Variants in ZSCAN5A observed in about 807,000 individuals in gnomAD.
ZSCAN5A encodes the protein zinc finger and SCAN domain containing 5A, also known as zinc finger and SCAN domain-containing protein 5A.
ZSCAN5A carries 12 observed loss-of-function variants against 23.7 expected under a neutral mutation model. That is an observed-to-expected ratio of 0.51 (90% confidence interval 0.32 to 0.82). The LOEUF is 0.82. Among genes scored for constraint, ZSCAN5A ranks in the 40% least tolerant of loss-of-function variants. The pLI, the probability that ZSCAN5A is intolerant of heterozygous loss-of-function variation, is 0.03. For synonymous variants in ZSCAN5A, 257 were observed against 239.9 expected (o/e 1.07, Z -0.66); for missense variants, 597 against 617.9 (o/e 0.97, Z 0.36).
At position 56,221,614 on chromosome 19, in the gene ZSCAN5A, T is replaced by C. The variant is rs1568599422; in HGVS notation, c.1452A>G (p.Arg484=). The change falls in exon 6 of 6, where the codon AGA becomes AGG. Residue 484 remains arginine, a synonymous_variant. Transcript: ENST00000683990. ...CTTCTGGATGTGTTTTCTGGTGGCGTCTTAACAATTTCAGCCGACTGAAGG... is the reference window on the plus strand; with the variant it reads ...CTTCTGGATGTGTTTTCTGGTGGCGCCTTAACAATTTCAGCCGACTGAAGG... ...PRAFSRLKLL[R]RHQKTHPEAT... is the part of the protein sequence containing the mutation. 7 of 1,610,880 alleles carry C rather than the reference T, an allele frequency of 4.3e-6. No homozygotes were observed. Among genetic ancestry groups the C allele is most frequent in the South Asian group, 1.1e-5 (1 of 90,830 alleles).
At chr19:56,276,321 C>T (rs11672081) in intron 2 of ZSCAN5A, among the ~76,000 whole-genome samples, 63,444 of 151,408 alleles carry the variant, frequency 0.42, 14,371 homozygotes, top group Non-Finnish European at 0.51. Flanking sequence ...CTCCTTCACT[C>T]CTTTGTCTGG....
chr19:56,260,637 T>C (rs939120679), intron 2 of ZSCAN5A, among the ~76,000 whole-genome samples: 6 of 152,106 alleles, frequency 3.9e-5, no homozygotes, highest in African/African-American at 1.4e-4. Flanking sequence ...TTTTATTGTA[T>C]TTAGGTATTG....
At chr19:56,223,998 T>G (rs2033625854) in intron 3 of ZSCAN5A, among the ~76,000 whole-genome samples, 164 bp from the exon 4 acceptor site, 1 of 151,642 alleles carries the variant, frequency 6.6e-6, no homozygotes, top group African/African-American at 2.4e-5. Context: ...TGTCTGAATT[T>G]TTTCCTCTCT....
chr19:56,334,846 A>G (rs998406310), intron 2 of ZSCAN5A, among the ~76,000 whole-genome samples: 1 of 152,222 alleles, frequency 6.6e-6, no homozygotes, highest in African/African-American at 2.4e-5. Context: ...ATGAGAAAAA[A>G]ATCAGCACAA....
At chr19:56,238,850 T>C (rs3972668) in intron 2 of ZSCAN5A, among the ~76,000 whole-genome samples, 15,383 of 138,720 alleles carry the variant, frequency 0.11, 1,113 homozygotes, top group Middle Eastern at 0.16. Context: ...GGACATTCCT[T>C]ATGAGAACAT....
intron 2 of ZSCAN5A, among the ~76,000 whole-genome samples, chr19:56,230,029 G>A (rs1002842114): frequency 1.3e-5 from 2 of 152,168 alleles, no homozygotes; most frequent in African/African-American, 2.4e-5. Context: ...TTTGCAAAGA[G>A]AGACAATTCG....
intron 2 of ZSCAN5A, among the ~76,000 whole-genome samples, chr19:56,333,152 G>A (rs1233487361): frequency 2.6e-5 from 4 of 151,540 alleles, no homozygotes; most frequent in South Asian, 2.1e-4. Flanking sequence ...TGTCTGTTTC[G>A]TATAGTATCT....
chr19:56,288,451 C>G (rs1219960203), intron 2 of ZSCAN5A, among the ~76,000 whole-genome samples: 1 of 152,220 alleles, frequency 6.6e-6, no homozygotes, highest in African/African-American at 2.4e-5. Flanking sequence ...TAGCAACCAT[C>G]ACCCCCTTAT....
intron 2 of ZSCAN5A, among the ~76,000 whole-genome samples, chr19:56,359,600 C>T (rs75247805): frequency 1.3e-5 from 2 of 152,118 alleles, no homozygotes; most frequent in Non-Finnish European, 1.5e-5. Context: ...ATTCTGATAC[C>T]AAACCTGGCA....
chr19:56,252,305 G>A (rs2036401251), intron 2 of ZSCAN5A, among the ~76,000 whole-genome samples: 1 of 152,180 alleles, frequency 6.6e-6, no homozygotes, highest in South Asian at 2.1e-4. Context: ...GCAGGTGAGA[G>A]GCTGTAACAA....
At chr19:56,364,896 G>T (rs1007700513) in intron 1 of ZSCAN5A, 19 of 152,190 alleles carry the variant, frequency 1.2e-4, no homozygotes, top group African/African-American at 4.6e-4. Flanking sequence ...TTCTTCTAAG[G>T]GGGTGATGAA....
rs148798821 is a variant in ZSCAN5A, at chr19:56,221,516, T to C, written c.*59A>G. On this transcript the variant is annotated 3_prime_UTR_variant, in exon 6 of 6. Transcript: ENST00000683990. ...ATGTGTCAAATGTCATCTGATAACA[T>C]TGATGAAAAATATCATTCACTTCTT... 2.2e-5 allele frequency: 33 copies of C among 1,522,644 alleles called. No individual in the cohort carries two copies. The highest frequency in any genetic ancestry group is 1.8e-4 in the Middle Eastern group (1 of 5,612). 94.3% of individuals were successfully genotyped at this position (1,522,644 alleles called of 1,614,324 possible). A position where few individuals can be genotyped will look rare whatever the true frequency, so the allele number is the denominator to read the frequency against.
Position 56,352,914 on chromosome 19 carries a change from A to G in ZSCAN5A, c.-358+10321T>C, listed in dbSNP as rs2041677038. On this transcript the variant is annotated intron_variant, in intron 2 of 6. Transcript: ENST00000587340. This position sits in a 1 kb window ranked among gnomAD's most constrained non-coding sequence, Gnocchi z 4.2. ...TTGCCAGATGGCAGTGTTTCGATCTATTACACTACAGACATTGTGGGCCAC... is the reference window on the plus strand; with the variant it reads ...TTGCCAGATGGCAGTGTTTCGATCTGTTACACTACAGACATTGTGGGCCAC... Among the ~76,000 whole-genome samples, 1 of 152,226 alleles carries G rather than the reference A, an allele frequency of 6.6e-6. No individual in the cohort carries two copies. Among genetic ancestry groups the G allele is most frequent in the Non-Finnish European group, 1.5e-5 (1 of 68,040 alleles).
At chr19:56,287,238 T>C (rs2039194290) in intron 2 of ZSCAN5A, among the ~76,000 whole-genome samples, 1 of 152,220 alleles carries the variant, frequency 6.6e-6, no homozygotes, top group African/African-American at 2.4e-5. Context: ...GACCTGGAAG[T>C]AGAACTCTCC....
At chr19:56,268,506 A>G (rs1246510580) in intron 2 of ZSCAN5A, among the ~76,000 whole-genome samples, 1 of 152,142 alleles carries the variant, frequency 6.6e-6, no homozygotes, top group Non-Finnish European at 1.5e-5. Flanking sequence ...AAATTTAGTT[A>G]CTTTTAATAT....
chr19:56,340,332 G>T (rs1025334949), intron 2 of ZSCAN5A, among the ~76,000 whole-genome samples: 1 of 152,186 alleles, frequency 6.6e-6, no homozygotes, highest in African/African-American at 2.4e-5. Context: ...AGTGGAGCCA[G>T]CAGGGCAGCT....
chr19:56,328,093 T>G (rs973473419), intron 2 of ZSCAN5A, among the ~76,000 whole-genome samples: 1 of 152,128 alleles, frequency 6.6e-6, no homozygotes, highest in Non-Finnish European at 1.5e-5. Context: ...AGTAGCACAG[T>G]GAAGGGAGAA....
intron 2 of ZSCAN5A, among the ~76,000 whole-genome samples, chr19:56,274,113 A>G (rs530894226): frequency 6.6e-6 from 1 of 152,266 alleles, no homozygotes; most frequent in African/African-American, 2.4e-5. Context: ...TTATACATAC[A>G]TGTATTTGCA....
chr19:56,233,320 A>G (rs73067870), intron 2 of ZSCAN5A, among the ~76,000 whole-genome samples: 7,327 of 152,160 alleles, frequency 0.048, 218 homozygotes, highest in Non-Finnish European at 0.063. Flanking sequence ...ATTTAGTCCA[A>G]ACATCATTGT....
Sources: gnomAD v4.1 joint callset for allele counts (sites outside exome capture counted in the v4.1 genomes callset) on GRCh38, gnomAD v4.1.1 for gene constraint, Gnocchi (gnomAD v3.1) non-coding constraint, MANE v1.5 for transcripts, NCBI Gene and HGNC (gene_info 2026-07-23, HGNC 2026-07-21) for gene names.